The following FAHD1 variants were observed in gnomAD, a reference collection of about 807,000 sequenced individuals.
The protein encoded by FAHD1 is FAH domain containing oxaloacetate decarboxylase 1.
Under a neutral mutation model 12.7 loss-of-function variants are expected in FAHD1, and 14 were observed. The ratio of observed to expected loss-of-function variants is 1.10; its 90% CI spans 0.73 to 1.72. The LOEUF (loss-of-function observed/expected upper bound fraction) is 1.72, where lower values mean the gene tolerates loss of function less well. FAHD1 is among the 40% of genes most tolerant of loss of function. The pLI is 0.00. For synonymous variants in FAHD1, 153 were observed against 124.9 expected, an observed-to-expected ratio of 1.22 and a Z score of -1.50; for missense variants, 351 against 298.9, an observed-to-expected ratio of 1.17 and a Z score of -1.29.
exon 3 of FAHD1, chr16:1,839,528 A>G (rs965693877): frequency 4.1e-6 from 5 of 1,228,122 alleles, no homozygotes; most frequent in Admixed American, 2.5e-5. Flanking sequence ...TAAAAACTCT[A>G]CGACAGTGTG....
intron 1 of FAHD1, chr16:1,837,849 T>C: frequency 2.6e-6 from 4 of 1,534,096 alleles, no homozygotes; most frequent in Non-Finnish European, 3.5e-6. Flanking sequence ...TGTTCATCTG[T>C]CATTGCAAGA....
At chr16:1,830,597 C>A (rs991473846), downstream of FAHD1, among the ~76,000 whole-genome samples, 3 of 152,206 alleles carry the variant, frequency 2.0e-5, no homozygotes, top group African/African-American at 7.2e-5. Context: ...AGCTTTGTCA[C>A]AAACATTGAC....
downstream of FAHD1, among the ~76,000 whole-genome samples, chr16:1,829,483 A>G (rs1898584753): frequency 6.6e-6 from 1 of 152,204 alleles, no homozygotes; most frequent in Admixed American, 6.5e-5. Flanking sequence ...AGCTCCCCCA[A>G]GACCAGAACG....
intron 1 of FAHD1, chr16:1,834,428 G>T: frequency 1.1e-6 from 1 of 884,382 alleles, no homozygotes; most frequent in South Asian, 1.5e-5. Context: ...TGTATATCAA[G>T]TTGAAAAATC....
At chr16:1,829,072 G>A (rs1898575343), downstream of FAHD1, among the ~76,000 whole-genome samples, 1 of 152,160 alleles carries the variant, frequency 6.6e-6, no homozygotes, top group South Asian at 2.1e-4. Flanking sequence ...AGATAAGGAG[G>A]CTTTGTGGAA....
chr16:1,837,949 A>C, intron 1 of FAHD1: 2 of 1,450,224 alleles, frequency 1.4e-6, no homozygotes, highest in Non-Finnish European at 1.8e-6. Context: ...TGTGAAACAA[A>C]CTTTCTCATT....
chr16:1,830,676 G>A (rs898840186), downstream of FAHD1, among the ~76,000 whole-genome samples: 7 of 152,128 alleles, frequency 4.6e-5, no homozygotes, highest in African/African-American at 1.2e-4. Context: ...CACCAAGTCC[G>A]ACAATTCCTG....
chr16:1,834,910 G>A (rs1351999127), intron 1 of FAHD1, among the ~76,000 whole-genome samples: 1 of 151,000 alleles, frequency 6.6e-6, no homozygotes, highest in East Asian at 2.0e-4. Context: ...ACTCCAGCTT[G>A]GGCAACTAGA....
chr16:1,827,994 T>C (rs1009997956), exon 1 of FAHD1: 6 of 1,530,396 alleles, frequency 3.9e-6, no homozygotes, highest in East Asian at 2.3e-5. Context: ...TTAGAAACCA[T>C]TTATTGGCCG....
downstream of FAHD1, among the ~76,000 whole-genome samples, chr16:1,833,554 CTTTTTTTTT>C (rs769668788): frequency 1.7e-5 from 2 of 114,292 alleles, no homozygotes; most frequent in South Asian, 2.9e-4. Context: ...TTTAGAGGTA[CTTTTTTTTT>C]TTTTTTTTTT....
downstream of FAHD1, among the ~76,000 whole-genome samples, chr16:1,830,939 CACACA>C (rs1567269168): frequency 2.9e-4 from 35 of 121,928 alleles, no homozygotes; most frequent in East Asian, 1.9e-3. Flanking sequence ...CACACACACA[CACACA>C]CCCATATTTT....
chr16:1,832,181 T>TTTTTTTTC (rs1232782008), downstream of FAHD1, among the ~76,000 whole-genome samples: 1 of 91,704 alleles, frequency 1.1e-5, no homozygotes, highest in Non-Finnish European at 2.3e-5. Context: ...GGTCATTCTT[T>TTTTTTTTC]TTTTTTTTTT....
chr16:1,828,299 C>T, exon 1 of FAHD1: 2 of 978,542 alleles, frequency 2.0e-6, no homozygotes, highest in Non-Finnish European at 2.5e-6. Flanking sequence ...AAAAAGAAAC[C>T]ATTTATTTTA....
chr16:1,833,376 G>A (rs775002362), downstream of FAHD1, among the ~76,000 whole-genome samples: 77 of 151,990 alleles, frequency 5.1e-4, no homozygotes, highest in Non-Finnish European at 6.8e-4. Flanking sequence ...GGGCACTCCA[G>A]TGTGTCACCA....
At chr16:1,829,335 A>G (rs1170264504), downstream of FAHD1, among the ~76,000 whole-genome samples, 1 of 152,160 alleles carries the variant, frequency 6.6e-6, no homozygotes, top group African/African-American at 2.4e-5. Context: ...CTGTATTTCC[A>G]CGTGTTATGT....
downstream of FAHD1, among the ~76,000 whole-genome samples, chr16:1,830,955 G>A (rs1375879485): frequency 1.3e-5 from 1 of 78,926 alleles, no homozygotes; most frequent in East Asian, 4.4e-4. Flanking sequence ...CCCATATTTT[G>A]GAAATGCGTC....
At chr16:1,835,095 A>G (rs762711875) in intron 1 of FAHD1, among the ~76,000 whole-genome samples, 2 of 152,048 alleles carry the variant, frequency 1.3e-5, no homozygotes, top group African/African-American at 2.4e-5. Context: ...TCTCTACTAA[A>G]AATATAAAAA....
downstream of FAHD1, among the ~76,000 whole-genome samples, chr16:1,832,050 T>C (rs143575696): frequency 2.0e-5 from 3 of 152,280 alleles, no homozygotes; most frequent in Middle Eastern, 3.4e-3. Context: ...GTTTGCACTT[T>C]GAAATTTTGA....
In FAHD1 at chr16:1,827,298, GGGGA is replaced by G; in HGVS notation, c.63_66del (p.Arg22ThrfsTer14). ...AGTGGGGAAAGAACATCGTCTGCGT[GGGGA>G]GGAACTACGCGGACCACGTCAGGGA... is the stretch of plus-strand genomic sequence containing the variant. On this transcript the variant is annotated frameshift_variant, in exon 1 of 1. Transcript: ENST00000427358. LOFTEE classifies it high-confidence loss of function. 1 of 1,613,200 alleles carries G rather than the reference GGGGA, an allele frequency of 6.2e-7. No homozygotes were observed. Among genetic ancestry groups the G allele is most frequent in the Non-Finnish European group, 8.5e-7 (1 of 1,179,888 alleles).
Sources: gnomAD v4.1 joint callset for allele counts (sites outside exome capture counted in the v4.1 genomes callset) on GRCh38, gnomAD v4.1.1 for gene constraint, MANE v1.5 for transcripts, NCBI Gene and HGNC (gene_info 2026-07-23, HGNC 2026-07-21) for gene names.